The following DPYS variants were observed in gnomAD, a reference collection of about 807,000 sequenced individuals.
DPYS encodes the protein dihydropyrimidinase.
Under a neutral mutation model 50.3 loss-of-function variants are expected in DPYS, and 39 were observed. That is an observed-to-expected ratio of 0.78 (90% CI 0.60 to 1.01). DPYS has a LOEUF of 1.01. DPYS is among the 50% of genes least tolerant of loss of function. The pLI is 0.00. For synonymous variants in DPYS, 245 were observed against 250.7 expected, an observed-to-expected ratio of 0.98 and a Z score of 0.22; for missense variants, 659 against 680.9, an observed-to-expected ratio of 0.97 and a Z score of 0.36.
intron 4 of DPYS, among the ~76,000 whole-genome samples, chr8:104,437,741 A>G (rs139886465): frequency 3.3e-5 from 5 of 152,294 alleles, no homozygotes; most frequent in Non-Finnish European, 5.9e-5. Context: ...ACTGTACTTT[A>G]TGGACTCAAC....
At chr8:104,394,436 A>T (rs76474711) in intron 7 of DPYS, among the ~76,000 whole-genome samples, 2,768 of 152,016 alleles carry the variant, frequency 0.018, 72 homozygotes, top group African/African-American at 0.062. Flanking sequence ...TGACATCACC[A>T]TCTATCTTTC....
chr8:104,435,695 G>C (rs1028094069), intron 4 of DPYS, among the ~76,000 whole-genome samples: 5 of 152,030 alleles, frequency 3.3e-5, no homozygotes, highest in African/African-American at 1.2e-4. Flanking sequence ...AATGCTAAAA[G>C]AAAATATCAA....
chr8:104,450,649 G>A (rs1181168533), intron 2 of DPYS, among the ~76,000 whole-genome samples: 1 of 152,130 alleles, frequency 6.6e-6, no homozygotes, highest in Non-Finnish European at 1.5e-5. Context: ...GTTGTTTTAA[G>A]CTCTATTATG....
intron 1 of DPYS, among the ~76,000 whole-genome samples, chr8:104,464,752 C>G (rs1490286270): frequency 6.6e-6 from 1 of 152,180 alleles, no homozygotes; most frequent in Non-Finnish European, 1.5e-5. Flanking sequence ...TTGGCTGTCA[C>G]TGAGAGGGAG....
intron 8 of DPYS, among the ~76,000 whole-genome samples, chr8:104,391,907 T>C (rs2140518773): frequency 6.6e-6 from 1 of 152,242 alleles, no homozygotes; most frequent in South Asian, 2.1e-4. Context: ...GCTACTGCTT[T>C]GGGCCATGCC....
At chr8:104,429,074 G>A (rs1234645023) in intron 5 of DPYS, 8 of 174,990 alleles carry the variant, frequency 4.6e-5, no homozygotes, top group South Asian at 2.7e-4. Context: ...CATGTGATCC[G>A]CCCACCTCAG....
At chr8:104,402,745 A>G (rs956056036) in intron 7 of DPYS, among the ~76,000 whole-genome samples, 1 of 152,160 alleles carries the variant, frequency 6.6e-6, no homozygotes, top group Non-Finnish European at 1.5e-5. Flanking sequence ...CTAGCTCCAT[A>G]TTTTAGGAAG....
chr8:104,400,171 G>T (rs1811747225), intron 7 of DPYS, among the ~76,000 whole-genome samples: 1 of 152,178 alleles, frequency 6.6e-6, no homozygotes, highest in Non-Finnish European at 1.5e-5. Context: ...CCTTCCCACA[G>T]AGTGTGTTTT....
At chr8:104,382,767 T>C (rs111304067) in intron 8 of DPYS, among the ~76,000 whole-genome samples, 1 of 152,136 alleles carries the variant, frequency 6.6e-6, no homozygotes, top group Non-Finnish European at 1.5e-5. Flanking sequence ...AGGGCTTGAC[T>C]TCTCTCTGCT....
intron 4 of DPYS, among the ~76,000 whole-genome samples, chr8:104,441,049 C>T (rs1230032444): frequency 6.6e-6 from 1 of 152,262 alleles, no homozygotes; most frequent in Non-Finnish European, 1.5e-5. Flanking sequence ...TTATGTCCAA[C>T]GCTTCCTCTT....
chr8:104,401,497 G>A (rs56183855), intron 7 of DPYS, among the ~76,000 whole-genome samples: 9,719 of 151,986 alleles, frequency 0.064, 370 homozygotes, highest in African/African-American at 0.094. Flanking sequence ...ACTGCCCCTC[G>A]AAAGCTTTAT....
intron 7 of DPYS, among the ~76,000 whole-genome samples, chr8:104,401,781 G>A (rs1041405107): frequency 2.0e-5 from 3 of 152,096 alleles, no homozygotes; most frequent in African/African-American, 7.2e-5. Flanking sequence ...TATATAAATG[G>A]GGAGCAAAGC....
At chr8:104,440,210 A>G (rs947059415) in intron 4 of DPYS, among the ~76,000 whole-genome samples, 1 of 152,248 alleles carries the variant, frequency 6.6e-6, no homozygotes, top group African/African-American at 2.4e-5. Context: ...TTCTGGATAT[A>G]GAGCTGGCAA....
chr8:104,449,546 T>C (rs528072502), intron 2 of DPYS, among the ~76,000 whole-genome samples: 166 of 152,322 alleles, frequency 1.1e-3, no homozygotes, highest in African/African-American at 3.8e-3. Context: ...AGCCAAAAAT[T>C]CATATGTTGA....
chr8:104,453,302 T>C (rs561924937), intron 1 of DPYS, among the ~76,000 whole-genome samples: 30 of 152,322 alleles, frequency 2.0e-4, no homozygotes, highest in African/African-American at 7.0e-4. Context: ...TCCCTATTGA[T>C]GTAATGAAAA....
At chr8:104,458,486 C>T (rs893859777) in intron 1 of DPYS, among the ~76,000 whole-genome samples, 1 of 152,180 alleles carries the variant, frequency 6.6e-6, no homozygotes, top group African/African-American at 2.4e-5. Context: ...CTGGATCATG[C>T]AGGAATCATA....
intron 1 of DPYS, among the ~76,000 whole-genome samples, chr8:104,462,040 T>C (rs1814190814): frequency 6.6e-6 from 1 of 152,246 alleles, no homozygotes; most frequent in Non-Finnish European, 1.5e-5. Flanking sequence ...TCTGTATTTT[T>C]CTTTTTTGAA....
At chr8:104,445,795 G>A (rs989655236) in intron 3 of DPYS, among the ~76,000 whole-genome samples, 2 of 152,020 alleles carry the variant, frequency 1.3e-5, no homozygotes, top group African/African-American at 2.4e-5. Flanking sequence ...CCTGTAATCC[G>A]AGCACTTTGG....
chr8:104,381,889 C>G lies in DPYS; in HGVS notation c.1444-575G>C, dbSNP rs540419886. Among the ~76,000 whole-genome samples, 178 of 150,328 alleles carry G rather than the reference C, an allele frequency of 1.2e-3. 1 individual carries two copies. Among genetic ancestry groups the G allele is most frequent in the Middle Eastern group, 3.5e-3 (1 of 286 alleles). Reference sequence around the variant, plus strand: ...ACACACACACACACACACACATACACACAGACAAATAACAAATTATTGTGG... The same window carrying G: ...ACACACACACACACACACACATACAGACAGACAAATAACAAATTATTGTGG... On this transcript the variant is annotated intron_variant, in intron 8 of 9. Transcript: ENST00000351513.
Sources: allele counts gnomAD v4.1 joint callset (sites outside exome capture counted in the v4.1 genomes callset), GRCh38; gene constraint gnomAD v4.1.1; transcripts MANE v1.5; gene names NCBI Gene and HGNC (gene_info 2026-07-23, HGNC 2026-07-21).